The following COL6A1 variants were observed in gnomAD, a reference collection of about 807,000 sequenced individuals.
COL6A1 encodes the protein collagen type VI alpha 1 chain.
COL6A1 carries 80 observed loss-of-function variants against 145.6 expected under a neutral mutation model. The observed-to-expected ratio is 0.55, with a 90% CI of 0.46 to 0.66. COL6A1 has a LOEUF of 0.66. Among genes scored for constraint, COL6A1 ranks in the 30% least tolerant of loss-of-function variants. The probability of loss-of-function intolerance (pLI) is 0.00; values close to 1 mark genes in which losing one functional copy is unlikely to be tolerated. For missense variants in COL6A1, 1,364 were observed against 1,473.8 expected (o/e 0.93, Z 1.22); for synonymous variants, 638 against 622.8 (o/e 1.02, Z -0.36).
chr21:45,999,776 C>T, intron 27 of COL6A1, 84 bp downstream of exon 27: 1 of 1,105,102 alleles, frequency 9.0e-7, no homozygotes, highest in Non-Finnish European at 1.3e-6. Context: ...ATGGGTGCTC[C>T]TGTAGACGCT....
At chr21:46,000,045 G>GGGATGTGTGAGGATCATAGA (rs2077834060) in intron 27 of COL6A1, among the ~76,000 whole-genome samples, 1 of 121,230 alleles carries the variant, frequency 8.2e-6, no homozygotes, top group Admixed American at 8.3e-5. Flanking sequence ...GGATCATGGG[G>GGGATGTGTGAGGATCATAGA]GGGGACGTGT....
intron 33 of COL6A1, 136 bp downstream of exon 33, chr21:46,002,846 C>T (rs2077856463): frequency 8.4e-7 from 1 of 1,191,748 alleles, no homozygotes; most frequent in Non-Finnish European, 1.2e-6. Context: ...CGCGGGGCCG[C>T]CCAGGGCCGT....
In COL6A1 at chr21:46,003,417, A is replaced by C; in HGVS notation, c.2491A>C (p.Thr831Pro). 6.2e-7 allele frequency: 1 copy of C among 1,601,806 alleles called. No individual in the cohort carries two copies. The highest frequency in any genetic ancestry group is 8.5e-7 in the Non-Finnish European group (1 of 1,179,734). The change falls in exon 35 of 35, where the codon ACC becomes CCC. Residue 831 changes from threonine (T) to proline (P), a missense_variant. Thr to Pro is a conservative substitution (Grantham distance 38). Transcript: ENST00000361866. ...PITFSSPADI[T>P]ILLDGSASVG... ...CACGTTCTCCTCCCCGGCTGACATC[A>C]CCATCCTGCTGGACGGCTCCGCCAG...
Position 45,982,765 on chromosome 21 carries a change from T to C in COL6A1, c.227+2T>C. On this transcript the variant is annotated splice_donor_variant, in intron 2 of 34. Transcript: ENST00000361866. LOFTEE classifies it high-confidence loss of function. ...CTTCATCGACAACCTGAGGGACAGGTAGGAGGGACGCCCCGTGACCTTCCT... is the reference window on the plus strand; with the variant it reads ...CTTCATCGACAACCTGAGGGACAGGCAGGAGGGACGCCCCGTGACCTTCCT... 6.2e-7 allele frequency: 1 copy of C among 1,611,954 alleles called. No homozygotes were observed. The highest frequency in any genetic ancestry group is 8.5e-7 in the Non-Finnish European group (1 of 1,179,846).
At chr21:45,982,947 A>C (rs1248490962) in intron 2 of COL6A1, among the ~76,000 whole-genome samples, 184 bp downstream of exon 2, 1 of 152,040 alleles carries the variant, frequency 6.6e-6, no homozygotes, top group East Asian at 1.9e-4. Flanking sequence ...CGCCCTCCAG[A>C]GTGAGCTGGT....
intron 15 of COL6A1, 130 bp downstream of exon 15, chr21:45,991,171 C>A: frequency 2.0e-6 from 2 of 990,962 alleles, no homozygotes; most frequent in Non-Finnish European, 1.6e-6. Flanking sequence ...AGGGGAGGAG[C>A]TGGTGGAGGC....
chr21:45,997,620 C>T (rs2077813215), intron 21 of COL6A1, 80 bp from the exon 22 acceptor site: 1 of 1,546,514 alleles, frequency 6.5e-7, no homozygotes, highest in Non-Finnish European at 8.8e-7. Context: ...TGGGACCTCT[C>T]CCGGCCCCAG....
Position 46,000,376 on chromosome 21 carries a change from C to T in COL6A1, c.1813+9C>T. 1 of 1,613,924 alleles carries T rather than the reference C, an allele frequency of 6.2e-7. No homozygotes were observed. The highest frequency in any genetic ancestry group is 8.5e-7 in the Non-Finnish European group (1 of 1,179,866). Reference sequence around the variant, plus strand: ...CATCATGAAAATGTGCTGTGAGTATCTCTGAGAAGCCGTCCTCGTTAGGGA... The same window carrying T: ...CATCATGAAAATGTGCTGTGAGTATTTCTGAGAAGCCGTCCTCGTTAGGGA... On this transcript the variant is annotated intron_variant, in intron 28 of 34. Coordinates refer to ENST00000361866, the MANE Select transcript of COL6A1 (RefSeq NM_001848.3).
chr21:45,999,702 G>A lies in COL6A1; in HGVS notation c.1776+10G>A, dbSNP rs2077827232. ...ACCGCCTGGGCCGGACGTAAGTGGG[G>A]CTCTGTGAACATTGCTGGGGGCGAC... On this transcript the variant is annotated intron_variant, in intron 27 of 34. Coordinates refer to ENST00000361866, the MANE Select transcript of COL6A1 (RefSeq NM_001848.3). 2 of 1,611,550 alleles carry A rather than the reference G, an allele frequency of 1.2e-6. No individual in the cohort carries two copies. Among genetic ancestry groups the A allele is most frequent in the South Asian group, 1.1e-5 (1 of 90,764 alleles).
chr21:45,989,397 C>G (rs1303122997), intron 9 of COL6A1, among the ~76,000 whole-genome samples: 1 of 152,160 alleles, frequency 6.6e-6, no homozygotes, highest in Admixed American at 6.5e-5. Flanking sequence ...CGTCCGGGGC[C>G]CCTGCCGTGG....
chr21:45,991,998 G>C lies in COL6A1; in HGVS notation c.1120-12G>C, dbSNP rs115107397. 1.9e-6 allele frequency: 3 copies of C among 1,574,530 alleles called. No homozygotes were observed. Among genetic ancestry groups the C allele is most frequent in the South Asian group, 2.3e-5 (2 of 86,646 alleles). On this transcript the variant is annotated splice_polypyrimidine_tract_variant and intron_variant, in intron 15 of 34. Coordinates refer to ENST00000361866, the MANE Select transcript of COL6A1 (RefSeq NM_001848.3). The stretch of plus-strand genomic sequence containing the variant: ...CCCTGCCAGCGTGTGTGACTCCCCC[G>C]GTCTTCCCCAGGGCGAGCCTGGAGC...
chr21:45,996,658 G>A (rs538834030), intron 20 of COL6A1, among the ~76,000 whole-genome samples: 25 of 152,236 alleles, frequency 1.6e-4, no homozygotes, highest in Middle Eastern at 3.4e-3. Flanking sequence ...CAGGTGGGCC[G>A]GGCGATGTGT....
intron 29 of COL6A1, 159 bp from the exon 30 acceptor site, chr21:46,001,094 G>A: frequency 2.0e-6 from 2 of 1,025,286 alleles, no homozygotes; most frequent in Non-Finnish European, 2.8e-6. Context: ...GCCTTTACGG[G>A]GCCATGGGAG....
At chr21:45,995,298 T>TGCTCTTTGA (rs2077798869) in intron 20 of COL6A1, among the ~76,000 whole-genome samples, 1 of 152,252 alleles carries the variant, frequency 6.6e-6, no homozygotes, top group Non-Finnish European at 1.5e-5. Flanking sequence ...TGATCCTCTT[T>TGCTCTTTGA]GCTCTTTGAG....
At position 45,990,339 on chromosome 21, in the gene COL6A1, C is replaced by T. The variant is rs1490317578; in HGVS notation, c.958-39C>T. On this transcript the variant is annotated intron_variant, in intron 12 of 34. Transcript: ENST00000361866. ...TCTGCCCCCACGGCAGCATGTCTGA[C>T]CTGCATCTGACTCCTGCCTTCGTTT... is the stretch of plus-strand genomic sequence containing the variant. 2.5e-6 allele frequency: 4 copies of T among 1,612,346 alleles called. No homozygotes were observed. The African/African-American group carries it at 4.0e-5, about 16-fold the overall frequency.
chr21:45,993,995 C>A (rs539311486), intron 19 of COL6A1, among the ~76,000 whole-genome samples, 172 bp from the exon 20 acceptor site: 2 of 152,322 alleles, frequency 1.3e-5, no homozygotes, highest in Admixed American at 1.3e-4. Flanking sequence ...CCGATGGCCA[C>A]GCACGTGGGC....
chr21:45,995,827 G>A (rs954057177), intron 20 of COL6A1, among the ~76,000 whole-genome samples: 4 of 152,236 alleles, frequency 2.6e-5, no homozygotes, highest in African/African-American at 9.6e-5. Context: ...GCAGGCACTT[G>A]TTCACCTGGA....
In COL6A1 at chr21:45,984,355, G is replaced by A. The variant is rs754591267; in HGVS notation, c.314G>A (p.Arg105His). 3.7e-6 allele frequency: 6 copies of A among 1,612,416 alleles called. No individual in the cohort carries two copies. The highest frequency in any genetic ancestry group is 3.3e-5 in the South Asian group (3 of 91,046). Residue 105 changes from arginine (R) to histidine (H), a missense_variant, in exon 3 of 35, where the codon CGC becomes CAC. This residue lies in a region of COL6A1 where 414 missense variants were observed against 437.6 expected (regional missense o/e 0.95). Coordinates refer to ENST00000361866, the MANE Select transcript of COL6A1 (RefSeq NM_001848.3). Reference sequence around the variant, plus strand: ...GTGGAGATCATCCAAGGCCTCACGCGCATGCCTGGCGGCCGCGACGCACTC... The same window carrying A: ...GTGGAGATCATCCAAGGCCTCACGCACATGCCTGGCGGCCGCGACGCACTC... The part of the protein sequence containing the change: ...DEVEIIQGLT[R>H]MPGGRDALKS...
Position 45,982,717 on chromosome 21 carries a change from AAAGTC to A in COL6A1, c.187_191del (p.Lys63LeufsTer17). The A allele has an allele frequency of 2.5e-6, 4 of 1,612,752 alleles. No homozygotes were observed. Among genetic ancestry groups the A allele is most frequent in the Non-Finnish European group, 3.4e-6 (4 of 1,179,954 alleles). On this transcript the variant is annotated frameshift_variant, in exon 2 of 35. Coordinates refer to ENST00000361866, the MANE Select transcript of COL6A1 (RefSeq NM_001848.3). LOFTEE classifies it high-confidence loss of function. ...GAAGCCCTACGGGGCCCTCGTGGAC[AAAGTC>A]AAGTCCTTCACCAAGCGCTTCATCG...
Sources: gnomAD v4.1 joint callset for allele counts (sites outside exome capture counted in the v4.1 genomes callset) on GRCh38, gnomAD v4.1.1 for gene constraint, gnomAD v4.1.1 regional missense constraint, MANE v1.5 for transcripts, NCBI Gene and HGNC (gene_info 2026-07-23, HGNC 2026-07-21) for gene names.